Variants in PKNOX2 observed in about 807,000 individuals in gnomAD.
The protein encoded by PKNOX2 is homeobox protein PKNOX2.
Under a neutral mutation model 53.1 loss-of-function variants are expected in PKNOX2, and 14 were observed. The observed-to-expected ratio is 0.26, with a 90% confidence interval of 0.17 to 0.41. The LOEUF (loss-of-function observed/expected upper bound fraction) is 0.41, where lower values mean the gene tolerates loss of function less well. Ranked by LOEUF, PKNOX2 falls within the 10% of genes least tolerant of loss-of-function variation. The probability of loss-of-function intolerance (pLI) is 1.00; values close to 1 mark genes in which losing one functional copy is unlikely to be tolerated. For synonymous variants in PKNOX2, 257 were observed against 242.8 expected (o/e 1.06, Z -0.54); for missense variants, 496 against 602.8 (o/e 0.82, Z 1.85).
intron 1 of PKNOX2, among the ~76,000 whole-genome samples, chr11:125,202,902 T>G (rs1022055640): frequency 4.6e-5 from 7 of 152,368 alleles, no homozygotes; most frequent in South Asian, 4.1e-4. Context: ...CAGGTATTTT[T>G]AGAGTTTAAA....
At chr11:125,285,994 A>G (rs987491144) in intron 2 of PKNOX2, among the ~76,000 whole-genome samples, 2 of 152,222 alleles carry the variant, frequency 1.3e-5, no homozygotes, top group African/African-American at 2.4e-5. Flanking sequence ...ATATTATTCC[A>G]GAAAGCCAGC....
intron 7 of PKNOX2, among the ~76,000 whole-genome samples, chr11:125,408,599 G>A (rs1344614280): frequency 6.6e-6 from 1 of 152,208 alleles, no homozygotes; most frequent in East Asian, 1.9e-4. Context: ...CAACCCAGGA[G>A]AGTAAAAAAA....
At chr11:125,175,247 G>GGAAGGAAGGAAA (rs1312028336) in intron 1 of PKNOX2, among the ~76,000 whole-genome samples, 49 of 90,236 alleles carry the variant, frequency 5.4e-4, no homozygotes, top group Non-Finnish European at 1.2e-3. Context: ...AAGGAAGGAA[G>GGAAGGAAGGAAA]GAAAGAAGGA....
chr11:125,300,505 C>T (rs1489569121), intron 2 of PKNOX2, among the ~76,000 whole-genome samples: 1 of 152,094 alleles, frequency 6.6e-6, no homozygotes, highest in African/African-American at 2.4e-5. Context: ...TTTTGGTTCC[C>T]AAGCCCAGGC....
intron 1 of PKNOX2, among the ~76,000 whole-genome samples, chr11:125,192,170 T>C (rs1956915325): frequency 6.6e-6 from 1 of 152,044 alleles, no homozygotes; most frequent in Non-Finnish European, 1.5e-5. Context: ...TTCCAGCAGG[T>C]CTCTCTGAGT....
At chr11:125,174,569 T>A (rs1319463107) in intron 1 of PKNOX2, among the ~76,000 whole-genome samples, 1 of 152,102 alleles carries the variant, frequency 6.6e-6, no homozygotes, top group East Asian at 1.9e-4. Flanking sequence ...TTGTAGAAGG[T>A]GATAGGACAC....
In PKNOX2 at chr11:125,342,527, T is replaced by C. The variant is rs368716296; in HGVS notation, c.-22-8757T>C. The stretch of plus-strand genomic sequence containing the variant: ...CCGAGAGGGCTGCCGGAGGTGGCTC[T>C]GCGCTTTTCCACCTGGGATCCCAGC... On this transcript the variant is annotated intron_variant, in intron 3 of 12. Coordinates refer to ENST00000298282, the MANE Select transcript of PKNOX2 (RefSeq NM_001382323.2). Among the ~76,000 whole-genome samples, 64 of 152,344 alleles carry C rather than the reference T, an allele frequency of 4.2e-4. 1 individual carries two copies. The South Asian group carries it at 0.013, about 31-fold the overall frequency.
chr11:125,264,649 G>C (rs993499249), intron 2 of PKNOX2, among the ~76,000 whole-genome samples: 1 of 151,904 alleles, frequency 6.6e-6, no homozygotes, highest in East Asian at 1.9e-4. Flanking sequence ...ACTTTCAAGG[G>C]GCCTAGTTCT....
chr11:125,269,431 A>G (rs2135782671), intron 2 of PKNOX2, among the ~76,000 whole-genome samples: 1 of 152,338 alleles, frequency 6.6e-6, no homozygotes, highest in Middle Eastern at 3.4e-3. Context: ...TGCAAAATAT[A>G]TATTAGAAAA....
intron 3 of PKNOX2, among the ~76,000 whole-genome samples, chr11:125,338,041 G>T (rs955378952): frequency 6.6e-6 from 1 of 152,200 alleles, no homozygotes; most frequent in East Asian, 1.9e-4. Flanking sequence ...GGCTGAGGCT[G>T]GGTTTCAGGT....
At chr11:125,351,221 G>A in intron 3 of PKNOX2, 63 bp from the exon 4 acceptor site, 1 of 775,280 alleles carries the variant, frequency 1.3e-6, no homozygotes, top group Non-Finnish European at 2.3e-6. Flanking sequence ...GGGAGCTGCT[G>A]GGTGCCCAGG....
intron 10 of PKNOX2, among the ~76,000 whole-genome samples, chr11:125,428,061 G>A (rs1956513770): frequency 6.6e-6 from 1 of 152,158 alleles, no homozygotes. Flanking sequence ...ACAGCATTGA[G>A]TGCTGTGCTT....
intron 3 of PKNOX2, among the ~76,000 whole-genome samples, chr11:125,335,985 A>C (rs1392091740): frequency 6.6e-6 from 1 of 152,210 alleles, no homozygotes; most frequent in African/African-American, 2.4e-5. Context: ...ATTATAACAC[A>C]GTTAAATGTT....
At position 125,432,395 on chromosome 11, in the gene PKNOX2, C is replaced by T. The variant is rs1215159317; in HGVS notation, c.*1003C>T. The T allele has an allele frequency of 6.5e-6, 1 of 152,912 alleles. No homozygotes were observed. Among genetic ancestry groups the T allele is most frequent in the Non-Finnish European group, 1.5e-5 (1 of 68,068 alleles). 9.5% of individuals were successfully genotyped at this position (152,912 alleles called of 1,614,324 possible). ...GCTCCCAGCCTGGCTCCATCAGCCT[C>T]CAGCTTCCTTTCTTCATTCTGTCCT... On this transcript the variant is annotated 3_prime_UTR_variant, in exon 13 of 13. Coordinates refer to ENST00000298282, the MANE Select transcript of PKNOX2 (RefSeq NM_001382323.2).
At position 125,429,106 on chromosome 11, in the gene PKNOX2, G is replaced by T. The variant is rs1453920948; in HGVS notation, c.1013+18G>T. The T allele has an allele frequency of 6.3e-7, 1 of 1,595,248 alleles. No homozygotes were observed. The highest frequency in any genetic ancestry group is 1.3e-5 in the African/African-American group (1 of 74,484). ...AACAACTGGTGAGTTTGCATCACCT[G>T]CATGCAGGCTCCCAGATCCAGGGGC... On this transcript the variant is annotated intron_variant, in intron 11 of 12. Coordinates refer to ENST00000298282, the MANE Select transcript of PKNOX2 (RefSeq NM_001382323.2).
chr11:125,411,161 C>T (rs1324814607), intron 9 of PKNOX2: 3 of 364,496 alleles, frequency 8.2e-6, no homozygotes, highest in Non-Finnish European at 1.5e-5. Context: ...AGAGTGCACA[C>T]ACAAAGGAAG....
chr11:125,169,295 C>T (rs967529663), intron 1 of PKNOX2, among the ~76,000 whole-genome samples: 2 of 152,162 alleles, frequency 1.3e-5, no homozygotes, highest in African/African-American at 2.4e-5. Flanking sequence ...AAACACTTCA[C>T]GTGAGATCCG....
At chr11:125,399,903 C>G (rs564751194) in intron 7 of PKNOX2, among the ~76,000 whole-genome samples, 3 of 152,324 alleles carry the variant, frequency 2.0e-5, no homozygotes, top group Non-Finnish European at 4.4e-5. Flanking sequence ...CAGTCGGTCA[C>G]TGGAGAAGTG....
Position 125,431,662 on chromosome 11 carries a change from G to C in PKNOX2, c.*270G>C, listed in dbSNP as rs1170666778. 1 of 493,390 alleles carries C rather than the reference G, an allele frequency of 2.0e-6. No homozygotes were observed. Among genetic ancestry groups the C allele is most frequent in the African/African-American group, 1.9e-5 (1 of 51,810 alleles). 30.6% of individuals were successfully genotyped at this position (493,390 alleles called of 1,614,324 possible). ...GCAGCCTGTGTGGAAAGACAGGAGT[G>C]AGATCTGGACTCACCAAATCCCTGA... On this transcript the variant is annotated 3_prime_UTR_variant, in exon 13 of 13. Transcript: ENST00000298282.
Sources: gnomAD v4.1 joint callset for allele counts (sites outside exome capture counted in the v4.1 genomes callset) on GRCh38, gnomAD v4.1.1 for gene constraint, MANE v1.5 for transcripts, NCBI Gene and HGNC (gene_info 2026-07-23, HGNC 2026-07-21) for gene names.